PI4KB: variants seen among roughly 807,000 people sequenced by gnomAD.
The protein encoded by PI4KB is phosphatidylinositol 4-kinase beta.
A neutral mutation model predicts 81.4 loss-of-function variants in PI4KB; 23 were observed. The observed-to-expected ratio is 0.28, with a 90% CI of 0.20 to 0.40. The LOEUF (loss-of-function observed/expected upper bound fraction) is 0.40, where lower values mean the gene tolerates loss of function less well. Among genes scored for constraint, PI4KB ranks in the 10% least tolerant of loss-of-function variants. PI4KB has a pLI of 1.00. For missense variants in PI4KB, 651 were observed against 1,036.6 expected, an observed-to-expected ratio of 0.63 and a Z score of 5.11; for synonymous variants, 381 against 406.8, an observed-to-expected ratio of 0.94 and a Z score of 0.76.
Position 151,316,041 on chromosome 1 carries a change from G to A in PI4KB, c.441C>T (p.Tyr147=). Residue 147 remains tyrosine (Y), a synonymous_variant, in exon 2 of 12, where the codon TAC becomes TAT. Transcript: ENST00000368873. ...CTCCAGGCTCCTTGGAGTTATACAGGTATGAAATGGCCATGGAGATGTCAA... is the reference window on the plus strand; with the variant it reads ...CTCCAGGCTCCTTGGAGTTATACAGATATGAAATGGCCATGGAGATGTCAA... ...KLFDISMAIS[Y]LYNSKEPGVQ... is the part of the protein sequence containing the mutation. 6.2e-7 allele frequency: 1 copy of A among 1,614,126 alleles called. No homozygotes were observed. Among genetic ancestry groups the A allele is most frequent in the Non-Finnish European group, 8.5e-7 (1 of 1,179,980 alleles).
chr1:151,326,190 C>A (rs373205705), intron 1 of PI4KB: 26 of 1,611,902 alleles, frequency 1.6e-5, no homozygotes, highest in South Asian at 1.1e-4. Flanking sequence ...TCAATTTCCA[C>A]GCAGGCCTGT....
intron 3 of PI4KB, among the ~76,000 whole-genome samples, 200 bp from the exon 4 acceptor site, chr1:151,308,001 C>T (rs1695928268): frequency 6.6e-6 from 1 of 152,164 alleles, no homozygotes; most frequent in Non-Finnish European, 1.5e-5. Flanking sequence ...ACATTCCTTC[C>T]CTATAGGCTA....
At chr1:151,310,321 TA>T in intron 2 of PI4KB, 66 bp from the exon 3 acceptor site, 1 of 1,036,642 alleles carries the variant, frequency 9.6e-7, no homozygotes, top group East Asian at 2.5e-5. Context: ...GAGACAAAGG[TA>T]AAGAATTTAG....
chr1:151,321,189 G>A (rs1456957446), intron 1 of PI4KB, among the ~76,000 whole-genome samples: 1 of 152,084 alleles, frequency 6.6e-6, no homozygotes, highest in African/African-American at 2.4e-5. Flanking sequence ...GTTGAGAGGT[G>A]CAGGAAAAAA....
At chr1:151,315,497 G>A (rs1647789011) in intron 2 of PI4KB, 76 bp downstream of exon 2, 1 of 922,592 alleles carries the variant, frequency 1.1e-6, no homozygotes, top group East Asian at 2.4e-5. Context: ...GCGTAACCCT[G>A]TGTGTATATA....
intron 2 of PI4KB, among the ~76,000 whole-genome samples, chr1:151,311,200 C>T (rs1696189281): frequency 6.6e-6 from 1 of 152,058 alleles, no homozygotes; most frequent in African/African-American, 2.4e-5. Context: ...TGGGTTCTGT[C>T]CAACATGGTC....
intron 11 of PI4KB, 34 bp downstream of exon 11, chr1:151,293,984 G>T (rs774453346): frequency 6.2e-7 from 1 of 1,612,874 alleles, no homozygotes; most frequent in South Asian, 1.1e-5. Flanking sequence ...GGAAGCCTGA[G>T]GCACTATAGC....
rs1419764324 is a variant in PI4KB at position 151,315,801 on chromosome 1, A to G, written c.681T>C (p.Thr227=). ...GCTTGGTCCCACGGGAGTGTCGTTG[A>G]GTGGAAATGTGCATGTCTGAAGAAT... The part of the protein sequence containing the change: ...GAYSSDMHIS[T]QRHSRGTKLR... Residue 227 remains threonine, a synonymous_variant, in exon 2 of 12, where the codon ACT becomes ACC. Coordinates refer to ENST00000368873, the MANE Select transcript of PI4KB (RefSeq NM_001369623.2). 6.2e-7 allele frequency: 1 copy of G among 1,612,812 alleles called. No homozygotes were observed.
At chr1:151,324,263 A>G (rs923927643) in intron 1 of PI4KB, among the ~76,000 whole-genome samples, 2 of 152,132 alleles carry the variant, frequency 1.3e-5, no homozygotes, top group Non-Finnish European at 2.9e-5. Flanking sequence ...GCCCAGCCCA[A>G]AAATAATTTT....
chr1:151,322,605 G>C (rs531350700), intron 1 of PI4KB, among the ~76,000 whole-genome samples: 1 of 152,110 alleles, frequency 6.6e-6, no homozygotes, highest in Admixed American at 6.5e-5. Flanking sequence ...ATATTTTTAT[G>C]TTCTTATATT....
At chr1:151,312,727 A>G (rs587670375) in intron 2 of PI4KB, among the ~76,000 whole-genome samples, 3 of 152,366 alleles carry the variant, frequency 2.0e-5, no homozygotes, top group South Asian at 4.1e-4. Flanking sequence ...TCAAAATGCC[A>G]AAGGGGCTGG....
chr1:151,293,271 A>C, intron 11 of PI4KB: 1 of 1,406,036 alleles, frequency 7.1e-7, no homozygotes, highest in Non-Finnish European at 9.4e-7. Context: ...AAGGGGACCA[A>C]CACCACATCT....
At chr1:151,307,029 T>C (rs1228728517) in intron 4 of PI4KB, among the ~76,000 whole-genome samples, 2 of 151,996 alleles carry the variant, frequency 1.3e-5, no homozygotes, top group Non-Finnish European at 2.9e-5. Flanking sequence ...AAGCCAAGAT[T>C]GTGCCACTGC....
intron 1 of PI4KB, among the ~76,000 whole-genome samples, chr1:151,326,804 T>C (rs1024748068): frequency 1.3e-5 from 2 of 151,874 alleles, no homozygotes; most frequent in Non-Finnish European, 2.9e-5. Context: ...AGGGATGCAA[T>C]CTTTAGCTCA....
chr1:151,325,682 C>A (rs1231518007), intron 1 of PI4KB, among the ~76,000 whole-genome samples: 1 of 152,138 alleles, frequency 6.6e-6, no homozygotes, highest in Admixed American at 6.5e-5. Flanking sequence ...ATGACTTACA[C>A]CCCTGGTTGT....
At chr1:151,325,561 T>C (rs1228230263) in intron 1 of PI4KB, among the ~76,000 whole-genome samples, 1 of 152,166 alleles carries the variant, frequency 6.6e-6, no homozygotes, top group Non-Finnish European at 1.5e-5. Context: ...CTATAGAATC[T>C]GGAGTTATGG....
Position 151,294,654 on chromosome 1 carries a change from T to C in PI4KB, c.2016-113A>G, listed in dbSNP as rs1694639680. On this transcript the variant is annotated intron_variant, in intron 9 of 11. Coordinates refer to ENST00000368873, the MANE Select transcript of PI4KB (RefSeq NM_001369623.2). ...CACCAGGGAGGGGGGTCCCCTGCCATGTTTCCTGCTGCCCGTAACTCCAAT... is the reference window on the plus strand; with the variant it reads ...CACCAGGGAGGGGGGTCCCCTGCCACGTTTCCTGCTGCCCGTAACTCCAAT... 6 of 860,188 alleles carry C rather than the reference T, an allele frequency of 7.0e-6. No homozygotes were observed. The Admixed American group carries it at 1.1e-4, about 15-fold the overall frequency. 53.3% of individuals were successfully genotyped at this position (860,188 alleles called of 1,614,324 possible).
At chr1:151,301,739 G>C in intron 8 of PI4KB, 105 bp downstream of exon 8, 2 of 1,033,302 alleles carry the variant, frequency 1.9e-6, no homozygotes, top group Non-Finnish European at 2.9e-6. Context: ...TCACCATCTT[G>C]GCCAGGCTGA....
chr1:151,292,938 C>T lies in PI4KB; in HGVS notation c.2365G>A (p.Val789Met). The T allele has an allele frequency of 6.2e-7, 1 of 1,614,048 alleles. No individual in the cohort carries two copies. Reference protein sequence around the residue: ...SMTEEQLQLLVEQMVDGSMRS... With the variant: ...SMTEEQLQLLMEQMVDGSMRS... ...ATACTGCCATCCACCATCTGCTCCACCAGCAGCTGCAGCTGCTCCTCAGTC... is the reference window on the plus strand; with the variant it reads ...ATACTGCCATCCACCATCTGCTCCATCAGCAGCTGCAGCTGCTCCTCAGTC... The change falls in exon 12 of 12, where the codon GTG becomes ATG. Residue 789 changes from valine (V) to methionine (M), a missense_variant. Val to Met is a conservative substitution (Grantham distance 21). Around this residue, in one of 5 missense-constraint regions of PI4KB, gnomAD observed 70 missense variants for 108.1 expected, o/e 0.65. Coordinates refer to ENST00000368873, the MANE Select transcript of PI4KB (RefSeq NM_001369623.2).
Sources: gnomAD v4.1 joint callset for allele counts (sites outside exome capture counted in the v4.1 genomes callset) on GRCh38, gnomAD v4.1.1 for gene constraint, gnomAD v4.1.1 regional missense constraint, MANE v1.5 for transcripts, NCBI Gene and HGNC (gene_info 2026-07-23, HGNC 2026-07-21) for gene names.